Variants in ADGRV1 observed in about 807,000 individuals in gnomAD.
ADGRV1 encodes G-protein coupled receptor 98.
Under a neutral mutation model 596.2 loss-of-function variants are expected in ADGRV1, and 359 were observed. The ratio of observed to expected loss-of-function variants is 0.60; its 90% CI spans 0.55 to 0.66. The LOEUF (loss-of-function observed/expected upper bound fraction) is 0.66, where lower values mean the gene tolerates loss of function less well. ADGRV1 is among the 30% of genes least tolerant of loss of function. The probability of loss-of-function intolerance (pLI) is 0.00; values close to 1 mark genes in which losing one functional copy is unlikely to be tolerated. For missense variants in ADGRV1, 7,274 were observed against 7,575.6 expected (o/e 0.96, Z 1.48); for synonymous variants, 2,681 against 2,679.2 (o/e 1.00, Z -0.02).
In ADGRV1 at chr5:90,639,925, T is replaced by C. The variant is rs375989776; in HGVS notation, c.2240+1977T>C. ...TTAACAGTTTATTGTGATAACAGTT[T>C]ATAATTTCCTCTCAATGTCAAATCC... is the stretch of plus-strand genomic sequence containing the variant. On this transcript the variant is annotated intron_variant, in intron 11 of 89. Transcript: ENST00000405460. 1.2e-4 allele frequency among the ~76,000 whole-genome samples: 18 copies of C among 152,308 alleles called. No individual in the cohort carries two copies. In the East Asian group the frequency reaches 2.1e-3, roughly 18 times the overall value.
chr5:90,882,365 C>G (rs1250460149), intron 83 of ADGRV1, among the ~76,000 whole-genome samples: 2 of 152,214 alleles, frequency 1.3e-5, no homozygotes, highest in East Asian at 3.9e-4. Context: ...CGTCTTAAGA[C>G]CCATGTCTTT....
intron 85 of ADGRV1, among the ~76,000 whole-genome samples, chr5:91,029,055 C>T (rs1379823088): frequency 6.6e-6 from 1 of 151,942 alleles, no homozygotes; most frequent in Non-Finnish European, 1.5e-5. Flanking sequence ...GAACTTTTTT[C>T]TTTAGGGTTT....
intron 1 of ADGRV1, among the ~76,000 whole-genome samples, chr5:90,610,051 A>T (rs763879228): frequency 6.6e-6 from 1 of 152,028 alleles, no homozygotes; most frequent in African/African-American, 2.4e-5. Flanking sequence ...CTCCGTTTCT[A>T]TATAGTTATT....
intron 1 of ADGRV1, among the ~76,000 whole-genome samples, chr5:90,607,774 T>C (rs1762282274): frequency 6.6e-6 from 1 of 152,208 alleles, no homozygotes; most frequent in Admixed American, 6.5e-5. Context: ...TGGTCACTTA[T>C]CCTTGATCAT....
chr5:91,080,008 G>C (rs1014918978), intron 86 of ADGRV1, among the ~76,000 whole-genome samples: 1 of 151,908 alleles, frequency 6.6e-6, no homozygotes, highest in African/African-American at 2.4e-5. Flanking sequence ...CATTCATCAG[G>C]CACTGTGTTA....
intron 89 of ADGRV1, among the ~76,000 whole-genome samples, chr5:91,159,116 C>G (rs1796728656): frequency 6.6e-6 from 1 of 152,088 alleles, no homozygotes; most frequent in Non-Finnish European, 1.5e-5. Context: ...TGCCATTGCT[C>G]TAAGGGGCAA....
intron 86 of ADGRV1, 112 bp from the exon 87 acceptor site, chr5:91,102,107 G>A: frequency 1.1e-6 from 1 of 933,074 alleles, no homozygotes; most frequent in Non-Finnish European, 1.6e-6. Context: ...TTCCAAGGTT[G>A]TTCTCTCAAA....
intron 87 of ADGRV1, among the ~76,000 whole-genome samples, chr5:91,110,309 A>C (rs188664401): frequency 6.4e-4 from 98 of 152,288 alleles, no homozygotes; most frequent in Admixed American, 1.3e-3. Flanking sequence ...ATCAGTTAAA[A>C]TATTGAAAAT....
At chr5:90,659,987 G>A (rs1219389273) in intron 21 of ADGRV1, among the ~76,000 whole-genome samples, 1 of 151,856 alleles carries the variant, frequency 6.6e-6, no homozygotes, top group Non-Finnish European at 1.5e-5. Flanking sequence ...AGCCGAGATG[G>A]TGCCACTGCA....
chr5:90,689,383 G>A (rs752549736), intron 29 of ADGRV1, among the ~76,000 whole-genome samples: 1 of 138,348 alleles, frequency 7.2e-6, no homozygotes, highest in Non-Finnish European at 1.5e-5. Flanking sequence ...GCAGTACTCA[G>A]TAGCGGCTTT....
intron 87 of ADGRV1, among the ~76,000 whole-genome samples, chr5:91,143,694 G>T (rs1795292417): frequency 6.6e-6 from 1 of 152,164 alleles, no homozygotes; most frequent in Admixed American, 6.5e-5. Flanking sequence ...ACTCCAGTTT[G>T]CAGGACTGAC....
At chr5:90,942,664 G>A (rs1776256833) in intron 83 of ADGRV1, among the ~76,000 whole-genome samples, 2 of 152,120 alleles carry the variant, frequency 1.3e-5, no homozygotes, top group African/African-American at 4.8e-5. Context: ...TGCCCTAAGA[G>A]GAAGCCATTA....
At position 90,811,165 on chromosome 5, in the gene ADGRV1, T is replaced by G. The variant is rs1238116781; in HGVS notation, c.15905T>G (p.Ile5302Arg). 1 of 1,613,876 alleles carries G rather than the reference T, an allele frequency of 6.2e-7. No homozygotes were observed. The highest frequency in any genetic ancestry group is 8.5e-7 in the Non-Finnish European group (1 of 1,179,824). The change falls in exon 74 of 90, where the codon ATA (isoleucine) becomes AGA (arginine). Residue 5302 changes from isoleucine to arginine, a missense_variant. Transcript: ENST00000405460. ...TTTGAAGAACAAACTCTTACCCTTA[T>G]ATTCCTAGATGGAGAAAGAGAACGT... ...EDFEEQTLTL[I>R]FLDGERERKV...
intron 52 of ADGRV1, among the ~76,000 whole-genome samples, chr5:90,749,830 A>G (rs1356766937): frequency 6.6e-6 from 1 of 152,224 alleles, no homozygotes; most frequent in Non-Finnish European, 1.5e-5. Flanking sequence ...GTTTGGGACA[A>G]AAGAAAGAGG....
At chr5:91,081,381 T>C (rs1789361328) in intron 86 of ADGRV1, among the ~76,000 whole-genome samples, 1 of 152,180 alleles carries the variant, frequency 6.6e-6, no homozygotes, top group Middle Eastern at 3.2e-3. Context: ...TTGAGACCAA[T>C]ATTGTTCAAT....
chr5:91,043,542 T>A (rs553049932), intron 85 of ADGRV1, among the ~76,000 whole-genome samples: 6 of 152,094 alleles, frequency 3.9e-5, no homozygotes, highest in Non-Finnish European at 8.8e-5. Context: ...TTCTGCCTCC[T>A]CCTAGGATTT....
chr5:90,796,757 G>T (rs1760760871), intron 70 of ADGRV1, among the ~76,000 whole-genome samples: 1 of 152,206 alleles, frequency 6.6e-6, no homozygotes, highest in Non-Finnish European at 1.5e-5. Flanking sequence ...AAGCCCATCA[G>T]ACAAACAGCC....
At chr5:91,064,402 G>C (rs541049719) in intron 85 of ADGRV1, among the ~76,000 whole-genome samples, 1 of 152,136 alleles carries the variant, frequency 6.6e-6, no homozygotes, top group African/African-American at 2.4e-5. Context: ...ACAATAATGG[G>C]TTCTAGTTAT....
intron 31 of ADGRV1, chr5:90,691,273 T>C: frequency 1.8e-6 from 1 of 549,014 alleles, no homozygotes; most frequent in Non-Finnish European, 3.4e-6. Flanking sequence ...TTTTGTACAA[T>C]TAACTTGCAT....
Sources: allele counts gnomAD v4.1 joint callset (sites outside exome capture counted in the v4.1 genomes callset), GRCh38; gene constraint gnomAD v4.1.1; transcripts MANE v1.5; gene names NCBI Gene and HGNC (gene_info 2026-07-23, HGNC 2026-07-21).